The following CDH2 variants were observed in gnomAD, a reference collection of about 807,000 sequenced individuals.
CDH2 encodes cadherin-2.
CDH2 carries 17 observed loss-of-function variants against 92.0 expected under a neutral mutation model. The observed-to-expected ratio is 0.18, with a 90% CI of 0.13 to 0.28. CDH2 has a LOEUF of 0.28. Among genes scored for constraint, CDH2 ranks in the 10% least tolerant of loss-of-function variants. The pLI, the probability that CDH2 is intolerant of heterozygous loss-of-function variation, is 1.00. For missense variants in CDH2, 862 were observed against 1,133.1 expected, an observed-to-expected ratio of 0.76 and a Z score of 3.44; for synonymous variants, 419 against 415.9, an observed-to-expected ratio of 1.01 and a Z score of -0.09.
chr18:27,935,040 T>C (rs1908985047), intron 6 of CDH2, among the ~76,000 whole-genome samples: 1 of 152,170 alleles, frequency 6.6e-6, no homozygotes, highest in African/African-American at 2.4e-5. Context: ...TGCCTTGAGA[T>C]CACACCTTGA....
chr18:28,094,163 G>A (rs748749959), intron 2 of CDH2, among the ~76,000 whole-genome samples: 10 of 152,248 alleles, frequency 6.6e-5, no homozygotes, highest in Non-Finnish European at 1.3e-4. Context: ...CTGTTTTGGA[G>A]TTCCTCAACT....
intron 7 of CDH2, among the ~76,000 whole-genome samples, chr18:27,997,109 G>A (rs1171619440): frequency 1.3e-5 from 2 of 152,188 alleles, no homozygotes; most frequent in African/African-American, 4.8e-5. Context: ...TGAAATTCTT[G>A]GATTCTGGCA....
At chr18:28,122,865 G>C (rs1359263556) in intron 2 of CDH2, among the ~76,000 whole-genome samples, 1 of 152,050 alleles carries the variant, frequency 6.6e-6, no homozygotes, top group Non-Finnish European at 1.5e-5. Flanking sequence ...GGCCTCATAT[G>C]AATTATTTAA....
At chr18:28,125,732 C>T (rs1023037096) in intron 2 of CDH2, among the ~76,000 whole-genome samples, 3 of 152,114 alleles carry the variant, frequency 2.0e-5, no homozygotes, top group African/African-American at 7.2e-5. Flanking sequence ...TGCACCCTAA[C>T]AGGCACGTAA....
intron 1 of CDH2, among the ~76,000 whole-genome samples, chr18:28,162,354 C>T (rs897329028): frequency 1.3e-5 from 2 of 152,118 alleles, no homozygotes; most frequent in Admixed American, 6.6e-5. Context: ...AACAGAAAGC[C>T]ACATGTGCCC....
intron 2 of CDH2, among the ~76,000 whole-genome samples, chr18:28,031,854 G>T (rs2013703955): frequency 6.6e-6 from 1 of 152,034 alleles, no homozygotes; most frequent in Non-Finnish European, 1.5e-5. Flanking sequence ...TGACACTGCT[G>T]TTCAATGGGT....
chr18:28,053,590 G>A (rs959754229), intron 2 of CDH2, among the ~76,000 whole-genome samples: 4 of 152,174 alleles, frequency 2.6e-5, no homozygotes, highest in Non-Finnish European at 5.9e-5. Context: ...GCAGCCAACT[G>A]ATTCAAATAA....
chr18:28,089,108 A>G (rs113331897), intron 2 of CDH2, among the ~76,000 whole-genome samples: 1 of 152,218 alleles, frequency 6.6e-6, no homozygotes, highest in African/African-American at 2.4e-5. Flanking sequence ...CATCAAGAGT[A>G]CGTCTCCTTT....
Position 28,011,979 on chromosome 18 carries a change from A to T in CDH2, c.413T>A (p.Val138Asp), listed in dbSNP as rs1393606084. The part of the protein sequence containing the change: ...TEESVKESAE[V>D]EEIVFPRQFS... Reference sequence around the variant, plus strand: ...TTGTCTTGGGAACACTATTTCTTCAACTTCTGCTGACTCCTTTACATTAAA... The same window carrying T: ...TTGTCTTGGGAACACTATTTCTTCATCTTCTGCTGACTCCTTTACATTAAA... The change falls in exon 4 of 16, where the codon GTT becomes GAT. Residue 138 changes from valine to aspartate, a missense_variant. Physicochemically the swap from Val to Asp is radical, Grantham distance 152 (BLOSUM62 -3). Coordinates refer to ENST00000269141, the MANE Select transcript of CDH2 (RefSeq NM_001792.5). 1.2e-6 allele frequency: 2 copies of T among 1,613,370 alleles called. No homozygotes were observed. Among genetic ancestry groups the T allele is most frequent in the Non-Finnish European group, 1.7e-6 (2 of 1,179,642 alleles).
chr18:28,123,997 G>C (rs2015634137), intron 2 of CDH2, among the ~76,000 whole-genome samples: 1 of 152,128 alleles, frequency 6.6e-6, no homozygotes, highest in Non-Finnish European at 1.5e-5. Context: ...GAATGATGTA[G>C]TAACAAGTGA....
intron 2 of CDH2, among the ~76,000 whole-genome samples, chr18:28,082,771 C>T (rs2014855839): frequency 6.6e-6 from 1 of 151,960 alleles, no homozygotes; most frequent in Admixed American, 6.6e-5. Flanking sequence ...CAAAAAATGC[C>T]TTATTTGGGA....
chr18:28,166,207 T>C (rs578080691), intron 1 of CDH2, among the ~76,000 whole-genome samples: 2 of 136,094 alleles, frequency 1.5e-5, no homozygotes, highest in African/African-American at 5.4e-5. Flanking sequence ...TCAAGACTTA[T>C]GAAAATAAGG....
intron 13 of CDH2, 113 bp from the exon 14 acceptor site, chr18:27,983,196 T>C (rs2012116061): frequency 1.4e-6 from 1 of 715,906 alleles, no homozygotes; most frequent in Non-Finnish European, 2.2e-6. Flanking sequence ...AGGCCTGAAA[T>C]GCGTCTTTCA....
At chr18:28,005,575 C>A (rs2144016866) in intron 6 of CDH2, among the ~76,000 whole-genome samples, 1 of 152,168 alleles carries the variant, frequency 6.6e-6, no homozygotes, top group Admixed American at 6.5e-5. Flanking sequence ...CGAAAGGATC[C>A]TATGTATTCC....
intron 2 of CDH2, among the ~76,000 whole-genome samples, chr18:28,134,813 T>C (rs369756464): frequency 2.8e-4 from 43 of 152,194 alleles, no homozygotes; most frequent in Non-Finnish European, 5.4e-4. Context: ...AGTTGTGTGA[T>C]CATTCTTGAA....
intron 15 of CDH2, among the ~76,000 whole-genome samples, chr18:27,958,415 A>G (rs964749553): frequency 8.6e-5 from 13 of 151,842 alleles, no homozygotes; most frequent in African/African-American, 3.1e-4. Context: ...GTAGAGAAAT[A>G]TACTTCATAT....
At chr18:27,996,842 G>C (rs1251309526) in intron 7 of CDH2, among the ~76,000 whole-genome samples, 3 of 152,130 alleles carry the variant, frequency 2.0e-5, no homozygotes, top group African/African-American at 7.2e-5. Flanking sequence ...TAAAGAAAAA[G>C]CCATCTTCTA....
chr18:28,105,161 T>TA (rs1158741723), intron 2 of CDH2, among the ~76,000 whole-genome samples: 1 of 152,156 alleles, frequency 6.6e-6, no homozygotes, highest in Non-Finnish European at 1.5e-5. Context: ...TGAAAAGCTC[T>TA]AAAGTTCCAT....
At position 28,103,197 on chromosome 18, in the gene CDH2, T is replaced by TTA. The variant is rs894555706; in HGVS notation, c.172+44474_172+44475dup. Among the ~76,000 whole-genome samples the TTA allele has an allele frequency of 3.0e-4, 43 of 144,576 alleles. 1 individual carries two copies. Among genetic ancestry groups the TTA allele is most frequent in the African/African-American group, 9.3e-4 (37 of 39,912 alleles). 94.8% of individuals were successfully genotyped at this position (144,576 alleles called of 152,430 possible). ...ATAAAGTATATATATAAAAACTCCT[T>TTA]TATATATATATAAAGTACATATATA... On this transcript the variant is annotated intron_variant, in intron 2 of 15. Transcript: ENST00000269141.
Sources: gnomAD v4.1 joint callset for allele counts (sites outside exome capture counted in the v4.1 genomes callset) on GRCh38, gnomAD v4.1.1 for gene constraint, MANE v1.5 for transcripts, NCBI Gene and HGNC (gene_info 2026-07-23, HGNC 2026-07-21) for gene names.